Variants in ADSL observed in about 807,000 individuals in gnomAD.
ADSL encodes the protein adenylosuccinase.
ADSL carries 44 observed loss-of-function variants against 62.1 expected under a neutral mutation model. The observed-to-expected ratio is 0.71, with a 90% CI of 0.56 to 0.91. ADSL has a LOEUF of 0.91. ADSL is among the 40% of genes least tolerant of loss of function. The pLI is 0.00. For missense variants in ADSL, 531 were observed against 627.4 expected (o/e 0.85, Z 1.64); for synonymous variants, 198 against 220.5 (o/e 0.90, Z 0.90).
downstream of ADSL, chr22:40,373,621 G>GTTTTT (rs2045981225): frequency 6.6e-6 from 1 of 151,954 alleles, no homozygotes; most frequent in East Asian, 1.9e-4. Context: ...TTTTGTTTTT[G>GTTTTT]TTTTTGTTTT....
chr22:40,349,366 T>C (rs939633916), intron 1 of ADSL, among the ~76,000 whole-genome samples: 3 of 147,418 alleles, frequency 2.0e-5, no homozygotes, highest in African/African-American at 7.4e-5. Context: ...TTTTATTTAT[T>C]GGAGCTTTCT....
At chr22:40,364,231 C>T in intron 10 of ADSL, 45 bp from the exon 11 acceptor site, 1 of 1,557,426 alleles carries the variant, frequency 6.4e-7, no homozygotes, top group Non-Finnish European at 8.8e-7. Context: ...ATGACTTTAA[C>T]CTTGAGGCAC....
Position 40,354,237 on chromosome 22 carries a change from C to A in ADSL, c.403-11C>A. 6.2e-7 allele frequency: 1 copy of A among 1,613,420 alleles called. No homozygotes were observed. Among genetic ancestry groups the A allele is most frequent in the Non-Finnish European group, 8.5e-7 (1 of 1,179,360 alleles). ...ATTCAACCTCTTTCTATCACATGAT[C>A]TTTCTTGTAGCTTGCCAGAGTGATC... On this transcript the variant is annotated splice_polypyrimidine_tract_variant and intron_variant, in intron 3 of 12. Coordinates refer to ENST00000623063, the MANE Select transcript of ADSL (RefSeq NM_000026.4).
downstream of ADSL, among the ~76,000 whole-genome samples, chr22:40,371,622 T>A (rs1158066415): frequency 6.6e-6 from 1 of 152,256 alleles, no homozygotes; most frequent in African/African-American, 2.4e-5. Context: ...CTCTGCACTC[T>A]AAACAGTTGA....
chr22:40,382,080 C>T (rs1464490402), intron 2 of ADSL, among the ~76,000 whole-genome samples: 1 of 152,046 alleles, frequency 6.6e-6, no homozygotes, highest in African/African-American at 2.4e-5. Context: ...TAGGGTGTGA[C>T]ACAGAGTAAG....
intron 4 of ADSL, among the ~76,000 whole-genome samples, chr22:40,356,251 G>A (rs1194211600): frequency 6.7e-6 from 1 of 149,706 alleles, no homozygotes; most frequent in African/African-American, 2.5e-5. Flanking sequence ...CGGTTAGGCT[G>A]GGCAGCCGGG....
intron 3 of ADSL, 59 bp from the exon 4 acceptor site, chr22:40,354,189 A>C: frequency 7.1e-7 from 1 of 1,401,536 alleles, no homozygotes; most frequent in Non-Finnish European, 1.0e-6. Context: ...TTTGTTCCTA[A>C]TTATGTAATG....
chr22:40,366,139 G>T (rs2044996669), intron 12 of ADSL, among the ~76,000 whole-genome samples: 1 of 152,060 alleles, frequency 6.6e-6, no homozygotes, highest in South Asian at 2.1e-4. Context: ...AAGAGGGCTG[G>T]GAAGCAGGAG....
intron 4 of ADSL, among the ~76,000 whole-genome samples, chr22:40,355,450 G>T (rs775788880): frequency 6.6e-6 from 1 of 152,098 alleles, no homozygotes; most frequent in Non-Finnish European, 1.5e-5. Flanking sequence ...GAGCCACCGC[G>T]CCCGGCCTAG....
Position 40,358,910 on chromosome 22 carries a change from C to G in ADSL, c.529C>G (p.Gln177Glu). 1 of 1,614,174 alleles carries G rather than the reference C, an allele frequency of 6.2e-7. No homozygotes were observed. Among genetic ancestry groups the G allele is most frequent in the Non-Finnish European group, 8.5e-7 (1 of 1,180,034 alleles). Residue 177 changes from glutamine (Q) to glutamate (E), a missense_variant, in exon 5 of 13, where the codon CAG (glutamine) becomes GAG (glutamate). Around this residue, in one of 2 missense-constraint regions of ADSL, gnomAD observed 471 missense variants for 592.9 expected, o/e 0.79. Coordinates refer to ENST00000623063, the MANE Select transcript of ADSL (RefSeq NM_000026.4). ...TGGGAAACGTTGCTGTCTTTGGATT[C>G]AGGATCTTTGCATGGATCTCCAGAA... Reference protein sequence around the residue: ...TVGKRCCLWIQDLCMDLQNLK... With the variant: ...TVGKRCCLWIEDLCMDLQNLK...
At chr22:40,384,033 G>A (rs2048024232) in intron 2 of ADSL, among the ~76,000 whole-genome samples, 1 of 152,188 alleles carries the variant, frequency 6.6e-6, no homozygotes, top group South Asian at 2.1e-4. Context: ...AGGATTGCTT[G>A]AGTGCAGGAG....
rs1180410315 is a variant in ADSL, at chr22:40,346,655, A to C, written c.97A>C (p.Arg33=). ...SPEMCFVFSD[R]YKFRTWRQLW... ...GGAGATGTGCTTCGTGTTTAGCGAC[A>C]GGTATAAATTCCGGACATGGCGGCA... is the stretch of plus-strand genomic sequence containing the variant. Residue 33 remains arginine, a synonymous_variant, in exon 1 of 13, where the codon AGG becomes CGG. Coordinates refer to ENST00000623063, the MANE Select transcript of ADSL (RefSeq NM_000026.4). The C allele has an allele frequency of 6.2e-7, 1 of 1,613,160 alleles. No individual in the cohort carries two copies. The highest frequency in any genetic ancestry group is 2.2e-5 in the East Asian group (1 of 44,844).
intron 1 of ADSL, 115 bp downstream of exon 1, chr22:40,346,826 C>A: frequency 8.6e-7 from 1 of 1,164,720 alleles, no homozygotes; most frequent in Non-Finnish European, 1.2e-6. Flanking sequence ...CGGCTATTTT[C>A]AGCTGGGTGT....
chr22:40,380,395 C>G (rs2047373933), intron 2 of ADSL, among the ~76,000 whole-genome samples: 2 of 141,420 alleles, frequency 1.4e-5, no homozygotes, highest in African/African-American at 5.3e-5. Flanking sequence ...GAGACAGGGT[C>G]TCACTCTGTC....
intron 2 of ADSL, chr22:40,387,525 A>G (rs2048673757): frequency 3.9e-6 from 1 of 253,718 alleles, no homozygotes; most frequent in South Asian, 1.7e-4. Context: ...CTTTCAATAT[A>G]AATGTCTCAG....
chr22:40,372,119 C>G (rs376278455), downstream of ADSL, among the ~76,000 whole-genome samples: 47 of 120,630 alleles, frequency 3.9e-4, no homozygotes, highest in Middle Eastern at 3.8e-3. Context: ...CTGTCCCCCC[C>G]CCCTTTTTTT....
At chr22:40,364,132 C>A in intron 10 of ADSL, 144 bp from the exon 11 acceptor site, 1 of 702,442 alleles carries the variant, frequency 1.4e-6, no homozygotes, top group Non-Finnish European at 2.5e-6. Context: ...ACTGAAAAAA[C>A]ATCATATAGA....
chr22:40,358,353 G>A (rs2044645139), intron 4 of ADSL, among the ~76,000 whole-genome samples: 3 of 152,156 alleles, frequency 2.0e-5, no homozygotes, highest in African/African-American at 7.2e-5. Context: ...GAAGGCTGAA[G>A]TAGGTGGATC....
chr22:40,384,471 A>T (rs866102089), intron 2 of ADSL, among the ~76,000 whole-genome samples: 33 of 151,618 alleles, frequency 2.2e-4, no homozygotes, highest in South Asian at 1.5e-3. Flanking sequence ...AACAAAAATT[A>T]AAAAAAAATT....
Sources: gnomAD v4.1 joint callset for allele counts (sites outside exome capture counted in the v4.1 genomes callset) on GRCh38, gnomAD v4.1.1 for gene constraint, gnomAD v4.1.1 regional missense constraint, MANE v1.5 for transcripts, NCBI Gene and HGNC (gene_info 2026-07-23, HGNC 2026-07-21) for gene names.